The following SLC49A3 variants were observed in gnomAD, a reference collection of about 807,000 sequenced individuals.
SLC49A3 encodes the protein solute carrier family 49 member 3, also known as solute carrier family 49 member A3.
A neutral mutation model predicts 43.8 loss-of-function variants in SLC49A3; 50 were observed. The ratio of observed to expected loss-of-function variants is 1.14; its 90% CI spans 0.91 to 1.45. The LOEUF is 1.45. Ranked by LOEUF, SLC49A3 falls within the 40% of genes most tolerant of loss-of-function variation. The pLI is 0.00. For synonymous variants in SLC49A3, 413 were observed against 352.0 expected (o/e 1.17, Z -1.94); for missense variants, 906 against 774.1 (o/e 1.17, Z -2.02).
At chr4:682,639 T>C (rs1740011348) in intron 9 of SLC49A3, 142 bp downstream of exon 9, 1 of 668,394 alleles carries the variant, frequency 1.5e-6, no homozygotes, top group South Asian at 3.0e-5. Context: ...ACCTGTCCTA[T>C]TGCCCGGGGA....
intron 9 of SLC49A3, 150 bp from the exon 10 acceptor site, chr4:682,526 G>T: frequency 1.1e-6 from 1 of 917,188 alleles, no homozygotes; most frequent in South Asian, 3.8e-5. Flanking sequence ...CAGCCCTGAG[G>T]GGGTGTTTGC....
intron 1 of SLC49A3, 114 bp from the exon 2 acceptor site, chr4:686,804 C>T: frequency 5.2e-6 from 7 of 1,357,368 alleles, no homozygotes; most frequent in Non-Finnish European, 7.0e-6. Context: ...GCCGAGGGGA[C>T]ACAGCGAGCT....
downstream of SLC49A3, chr4:679,234 CAG>C: frequency 1.4e-6 from 1 of 693,456 alleles, no homozygotes; most frequent in Non-Finnish European, 2.6e-6. Context: ...CAGGGTGAGA[CAG>C]GGTGGGTGGG....
Position 682,284 on chromosome 4 carries a change from ACT to A in SLC49A3, c.1352_1353del (p.Glu451ValfsTer9). On this transcript the variant is annotated frameshift_variant, in exon 10 of 10. Coordinates refer to ENST00000322224, the MANE Select transcript of SLC49A3 (RefSeq NM_032219.4). LOFTEE classifies it low-confidence loss of function (END_TRUNC). ...TTACGGGTGGAGGGGGGCTCCCCAG[ACT>A]CGGCCTGCAGGCGCCGGTATGGGGT... ...FHTPYRRLQA[E>X]SGEPPSTRNA... The A allele has an allele frequency of 7.4e-7, 1 of 1,351,532 alleles. No homozygotes were observed. Among genetic ancestry groups the A allele is most frequent in the Non-Finnish European group, 9.6e-7 (1 of 1,042,226 alleles). The allele number at this position is 1,351,532 out of a possible 1,614,324, so 83.7% of individuals were successfully genotyped here. A position where few individuals can be genotyped will look rare whatever the true frequency, so the allele number is the denominator to read the frequency against.
Position 682,310 on chromosome 4 carries a change from G to A in SLC49A3, c.1328C>T (p.Thr443Ile), listed in dbSNP as rs747858066. The A allele has an allele frequency of 7.4e-7, 1 of 1,354,048 alleles. No homozygotes were observed. Among genetic ancestry groups the A allele is most frequent in the Non-Finnish European group, 9.6e-7 (1 of 1,043,494 alleles). The allele number at this position is 1,354,048 out of a possible 1,614,324, so 83.9% of individuals were successfully genotyped here. ...FSCILAVFFH[T>I]PYRRLQAESG... Reference sequence around the variant, plus strand: ...CTCGGCCTGCAGGCGCCGGTATGGGGTGTGGAAGAAGACCGCCAGGATGCA... The same window carrying A: ...CTCGGCCTGCAGGCGCCGGTATGGGATGTGGAAGAAGACCGCCAGGATGCA... Residue 443 changes from threonine to isoleucine, a missense_variant, in exon 10 of 10, where the codon ACC becomes ATC. Coordinates refer to ENST00000322224, the MANE Select transcript of SLC49A3 (RefSeq NM_032219.4).
At chr4:677,234 C>G (rs1738934025), downstream of SLC49A3, among the ~76,000 whole-genome samples, 1 of 152,198 alleles carries the variant, frequency 6.6e-6, no homozygotes, top group Non-Finnish European at 1.5e-5. Context: ...CCTGCAGACC[C>G]TCCTCCCACC....
At chr4:683,840 G>T in intron 6 of SLC49A3, 79 bp from the exon 7 acceptor site, 1 of 1,465,600 alleles carries the variant, frequency 6.8e-7, no homozygotes, top group South Asian at 1.4e-5. Flanking sequence ...AGGGGGCTCA[G>T]TGTAGGGCCG....
In SLC49A3 at chr4:683,619, G is replaced by C. The variant is rs768396848; in HGVS notation, c.983C>G (p.Pro328Arg). 6.2e-7 allele frequency: 1 copy of C among 1,611,570 alleles called. No homozygotes were observed. Among genetic ancestry groups the C allele is most frequent in the South Asian group, 1.1e-5 (1 of 90,828 alleles). The change falls in exon 7 of 10, where the codon CCC (proline) becomes CGC (arginine). Residue 328 changes from proline to arginine, a missense_variant. Physicochemically the swap from Pro to Arg is moderately radical, Grantham distance 103 (BLOSUM62 -2). Coordinates refer to ENST00000322224, the MANE Select transcript of SLC49A3 (RefSeq NM_032219.4). ...GLCLFSLACVPFALVSQLQGQ... is the reference protein window; with the variant it reads ...GLCLFSLACVRFALVSQLQGQ... ...TGAGGAGACCCTCACCAGGGCAAAGGGCACGCAGGCCAGAGAGAACAGGCA... is the reference window on the plus strand; with the variant it reads ...TGAGGAGACCCTCACCAGGGCAAAGCGCACGCAGGCCAGAGAGAACAGGCA...
At chr4:681,607 CCCCTCCA>C (rs1739566699), downstream of SLC49A3, among the ~76,000 whole-genome samples, 1 of 127,198 alleles carries the variant, frequency 7.9e-6, no homozygotes, top group Admixed American at 7.7e-5. Flanking sequence ...GCCGCCCCGC[CCCCTCCA>C]GCGCCGCCCC....
At chr4:684,635 G>A (rs1228349398) in intron 5 of SLC49A3, 36 bp from the exon 6 acceptor site, 2 of 1,611,588 alleles carry the variant, frequency 1.2e-6, no homozygotes, top group African/African-American at 1.3e-5. Context: ...CGGAGCCCGG[G>A]GGCCCTTCCC....
chr4:684,546 G>A lies in SLC49A3; in HGVS notation c.777C>T (p.Ile259=), dbSNP rs759430641. 2.1e-5 allele frequency: 34 copies of A among 1,613,074 alleles called. No homozygotes were observed. Among genetic ancestry groups the A allele is most frequent in the East Asian group, 8.9e-5 (4 of 44,886 alleles). ...GGGCTGAGAAGCTGGCAGAGATCCCGATCATTCCCCCCAAGCACACAGCCA... is the reference window on the plus strand; with the variant it reads ...GGGCTGAGAAGCTGGCAGAGATCCCAATCATTCCCCCCAAGCACACAGCCA... ...VILAVCLGGM[I]GISASFSALL... The change falls in exon 6 of 10, where the codon ATC becomes ATT. Residue 259 remains isoleucine (I), a synonymous_variant. Coordinates refer to ENST00000322224, the MANE Select transcript of SLC49A3 (RefSeq NM_032219.4).
At chr4:678,057 G>T, downstream of SLC49A3, 1 of 1,612,648 alleles carries the variant, frequency 6.2e-7, no homozygotes, top group African/African-American at 1.3e-5. Context: ...CATGCCTGGG[G>T]CAGGCGTGTG....
chr4:682,213 T>TC lies in SLC49A3; in HGVS notation c.1424dup (p.Ala476SerfsTer69). Reference sequence around the variant, plus strand: ...GCCCCAGGACCCCAGCCCTTCCTGCTCCCCCTCGGTCCACACCCGGCCCTG... The same window carrying TC: ...GCCCCAGGACCCCAGCCCTTCCTGCTCCCCCCTCGGTCCACACCCGGCCCTG... On this transcript the variant is annotated frameshift_variant, in exon 10 of 10. Coordinates refer to ENST00000322224, the MANE Select transcript of SLC49A3 (RefSeq NM_032219.4). LOFTEE classifies it low-confidence loss of function (END_TRUNC). 7.3e-7 allele frequency: 1 copy of TC among 1,367,608 alleles called. No individual in the cohort carries two copies. Among genetic ancestry groups the TC allele is most frequent in the Non-Finnish European group, 9.5e-7 (1 of 1,049,562 alleles). 84.7% of individuals were successfully genotyped at this position (1,367,608 alleles called of 1,614,324 possible). A position where few individuals can be genotyped will look rare whatever the true frequency, so the allele number is the denominator to read the frequency against.
In SLC49A3 at chr4:682,119, G is replaced by A. The variant is rs1739829034; in HGVS notation, c.1519C>T (p.Pro507Ser). The A allele has an allele frequency of 1.5e-6, 2 of 1,355,120 alleles. No homozygotes were observed. 83.9% of individuals were successfully genotyped at this position (1,355,120 alleles called of 1,614,324 possible). The change falls in exon 10 of 10, where the codon CCC becomes TCC. Residue 507 changes from proline to serine, a missense_variant. Physicochemically the swap from Pro to Ser is moderately conservative, Grantham distance 74. Transcript: ENST00000322224. ...GTCGCTCGGTGGCAGGCTGGGTGGG[G>A]GCTCCCGGGCCCTCTGGGGTCCTCT... ...SLEDPRGPGS[P>S]HPACHRATPR... is the part of the protein sequence containing the mutation.
chr4:687,773 G>A (rs1001965112), intron 1 of SLC49A3: 13 of 152,402 alleles, frequency 8.5e-5, no homozygotes, highest in Non-Finnish European at 1.6e-4. Context: ...GCTGCCTTCC[G>A]GGGTGGGTGT....
rs573538572 is a variant in SLC49A3 at position 685,493 on chromosome 4, T to A, written c.585+342A>T. ...GGCAGACGGATCATGAGGTCAGGAG[T>A]TCGAGACCAGCCTGGCCAACATGGT... On this transcript the variant is annotated intron_variant, in intron 4 of 9. Transcript: ENST00000322224. This position sits in a 1 kb window ranked among gnomAD's most constrained non-coding sequence, Gnocchi z 4.3. Among the ~76,000 whole-genome samples the A allele has an allele frequency of 1.3e-5, 2 of 150,794 alleles. No individual in the cohort carries two copies. The highest frequency in any genetic ancestry group is 3.9e-4 in the East Asian group (2 of 5,104).
Position 681,934 on chromosome 4 carries a change from C to T in SLC49A3, c.*24G>A, listed in dbSNP as rs1739753934. 4 of 1,328,210 alleles carry T rather than the reference C, an allele frequency of 3.0e-6. No homozygotes were observed. In the Admixed American group the frequency reaches 1.2e-4, roughly 41 times the overall value. 82.3% of individuals were successfully genotyped at this position (1,328,210 alleles called of 1,614,324 possible). A position where few individuals can be genotyped will look rare whatever the true frequency, so the allele number is the denominator to read the frequency against. ...AGTTCGCCTCCATCGATGTGGCGGG[C>T]AACCTGGACTACAAGGCGCTCAGCT... On this transcript the variant is annotated 3_prime_UTR_variant, in exon 10 of 10. Transcript: ENST00000322224.
chr4:685,308 GAC>G lies in SLC49A3; in HGVS notation c.586-454_586-453del, dbSNP rs1577361524. 6.6e-6 allele frequency among the ~76,000 whole-genome samples: 1 copy of G among 152,036 alleles called. No homozygotes were observed. Among genetic ancestry groups the G allele is most frequent in the Non-Finnish European group, 1.5e-5 (1 of 68,000 alleles). ...CACCACACATGTGCACAGACACACAGACACATATGCACACATCACACAATACA... is the reference window on the plus strand; with the variant it reads ...CACCACACATGTGCACAGACACACAGACATATGCACACATCACACAATACA... On this transcript the variant is annotated intron_variant, in intron 4 of 9. Coordinates refer to ENST00000322224, the MANE Select transcript of SLC49A3 (RefSeq NM_032219.4). This position sits in a 1 kb window ranked among gnomAD's most constrained non-coding sequence, Gnocchi z 4.3.
chr4:680,060 C>T (rs376589699), downstream of SLC49A3: 9 of 1,477,478 alleles, frequency 6.1e-6, no homozygotes, highest in African/African-American at 2.8e-5. Context: ...TAGCTAATTC[C>T]TAACAGTTAG....
Sources: gnomAD v4.1 joint callset for allele counts (sites outside exome capture counted in the v4.1 genomes callset) on GRCh38, gnomAD v4.1.1 for gene constraint, Gnocchi (gnomAD v3.1) non-coding constraint, MANE v1.5 for transcripts, NCBI Gene and HGNC (gene_info 2026-07-23, HGNC 2026-07-21) for gene names.